FAM168B: variants seen among roughly 807,000 people sequenced by gnomAD.
FAM168B encodes family with sequence similarity 168 member B.
Under a neutral mutation model 21.8 loss-of-function variants are expected in FAM168B, and 19 were observed. The ratio of observed to expected loss-of-function variants is 0.87; its 90% CI spans 0.61 to 1.28. The LOEUF is 1.28. FAM168B is among the 50% of genes most tolerant of loss of function. The probability of loss-of-function intolerance (pLI) is 0.00; values close to 1 mark genes in which losing one functional copy is unlikely to be tolerated. For synonymous variants in FAM168B, 126 were observed against 104.8 expected (o/e 1.20, Z -1.24); for missense variants, 233 against 263.1 (o/e 0.89, Z 0.79).
intron 3 of FAM168B, among the ~76,000 whole-genome samples, chr2:131,056,622 C>T (rs890306466): frequency 2.6e-5 from 4 of 152,166 alleles, no homozygotes; most frequent in Non-Finnish European, 5.9e-5. Context: ...GGTCTCTGGA[C>T]AGCTATGTTC....
intron 1 of FAM168B, among the ~76,000 whole-genome samples, chr2:131,091,615 C>A (rs1443919377): frequency 6.6e-6 from 1 of 151,534 alleles, no homozygotes; most frequent in African/African-American, 2.4e-5. Context: ...CCATTGCACT[C>A]CAGCCTGGGC....
chr2:131,071,731 A>T, intron 3 of FAM168B, 124 bp downstream of exon 3: 1 of 797,788 alleles, frequency 1.3e-6, no homozygotes, highest in Non-Finnish European at 2.1e-6. Flanking sequence ...CAACAGGCTA[A>T]CTTAATGAAC....
At chr2:131,089,282 T>C (rs1272718447) in intron 1 of FAM168B, among the ~76,000 whole-genome samples, 1 of 151,718 alleles carries the variant, frequency 6.6e-6, no homozygotes, top group East Asian at 1.9e-4. Flanking sequence ...ACCACATTTT[T>C]AGTTTCCCAT....
rs541113782 is a variant in FAM168B at position 131,062,417 on chromosome 2, C to T, written c.155-6722G>A. On this transcript the variant is annotated intron_variant, in intron 3 of 6. Coordinates refer to ENST00000389915, the MANE Select transcript of FAM168B (RefSeq NM_001009993.4). ...ACTGCAGAAATCCCTGCAGCTAGCC[C>T]TAGGTTTCCCAATCCAATCACCCAA... Among the ~76,000 whole-genome samples, 39 of 152,278 alleles carry T rather than the reference C, an allele frequency of 2.6e-4. No homozygotes were observed. In the East Asian group the frequency reaches 2.9e-3, roughly 11 times the overall value.
At position 131,052,952 on chromosome 2, in the gene FAM168B, T is replaced by G; in HGVS notation, c.539A>C (p.Tyr180Ser). 6.4e-7 allele frequency: 1 copy of G among 1,563,742 alleles called. No individual in the cohort carries two copies. Among genetic ancestry groups the G allele is most frequent in the Non-Finnish European group, 8.7e-7 (1 of 1,153,464 alleles). The change falls in exon 6 of 7, where the codon TAC becomes TCC. Residue 180 changes from tyrosine to serine, a missense_variant. Transcript: ENST00000389915. The part of the protein sequence containing the change: ...VAPHPVTVPT[Y>S]RAPGTPTYSY... ...GTAAGTGGGCGTTCCTGGGGCCCGG[T>G]ACGTGGGCACAGTGACCGGGTGGGG...
chr2:131,080,299 G>A (rs185295825), intron 2 of FAM168B, among the ~76,000 whole-genome samples: 75 of 150,378 alleles, frequency 5.0e-4, no homozygotes, highest in Non-Finnish European at 8.3e-4. Context: ...ACAGAGTCTC[G>A]CTCTGTCACC....
intron 1 of FAM168B, among the ~76,000 whole-genome samples, chr2:131,090,035 A>G (rs1391443866): frequency 7.3e-6 from 1 of 136,984 alleles, no homozygotes; most frequent in Non-Finnish European, 1.6e-5. Context: ...ATCTCAAAAA[A>G]AGAGGCCGGC....
At chr2:131,061,870 T>G (rs1359526430) in intron 3 of FAM168B, among the ~76,000 whole-genome samples, 1 of 151,926 alleles carries the variant, frequency 6.6e-6, no homozygotes, top group Non-Finnish European at 1.5e-5. Context: ...TATAGCAGTC[T>G]GAAAGATGCT....
rs1266687084 is a variant in FAM168B, at chr2:131,049,038, C to T, written c.*3427G>A. On this transcript the variant is annotated 3_prime_UTR_variant, in exon 7 of 7. Transcript: ENST00000389915. ...TCCTTTTTTAAAGCAGACACCAATA[C>T]TTACATAACTAGTACATGTTGGCCT... The T allele has an allele frequency of 1.0e-6, 1 of 985,348 alleles. No homozygotes were observed. The highest frequency in any genetic ancestry group is 1.1e-4 in the East Asian group (1 of 8,834). 61.0% of individuals were successfully genotyped at this position (985,348 alleles called of 1,614,324 possible). A position where few individuals can be genotyped will look rare whatever the true frequency, so the allele number is the denominator to read the frequency against.
Position 131,091,861 on chromosome 2 carries a change from G to A in FAM168B, c.-12+1353C>T, listed in dbSNP as rs541064673. On this transcript the variant is annotated intron_variant, in intron 1 of 6. Transcript: ENST00000389915. ...AAAATTGTGCTCGGCCAGGCGCGGT[G>A]GCTCACGTCTGTAATCCCAGCACTT... Among the ~76,000 whole-genome samples the A allele has an allele frequency of 2.6e-5, 4 of 151,752 alleles. No individual in the cohort carries two copies. The East Asian group carries it at 7.7e-4, about 29-fold the overall frequency.
chr2:131,077,049 C>A (rs969581571), intron 2 of FAM168B, among the ~76,000 whole-genome samples: 1 of 151,966 alleles, frequency 6.6e-6, no homozygotes, highest in African/African-American at 2.4e-5. Context: ...CTCTAGGAAC[C>A]CACCCTGAGG....
intron 3 of FAM168B, among the ~76,000 whole-genome samples, chr2:131,067,936 C>T (rs1050295270): frequency 5.9e-5 from 9 of 152,094 alleles, no homozygotes; most frequent in African/African-American, 1.7e-4. Flanking sequence ...GTAATCCCAA[C>T]GCTTTGGGAT....
chr2:131,093,210 T>G lies in FAM168B; in HGVS notation c.-12+4A>C, dbSNP rs1279385721. 1.3e-5 allele frequency: 2 copies of G among 150,174 alleles called. No individual in the cohort carries two copies. Among genetic ancestry groups the G allele is most frequent in the Non-Finnish European group, 3.0e-5 (2 of 67,406 alleles). The allele number at this position is 150,174 out of a possible 1,614,324, so 9.3% of individuals were successfully genotyped here. On this transcript the variant is annotated splice_donor_region_variant and intron_variant, in intron 1 of 6. Coordinates refer to ENST00000389915, the MANE Select transcript of FAM168B (RefSeq NM_001009993.4). Reference sequence around the variant, plus strand: ...GCAGTCGCCCGCTGCCCGCCCCCACTCACCGCGCCGCGGCGGCGACCTGGG... The same window carrying G: ...GCAGTCGCCCGCTGCCCGCCCCCACGCACCGCGCCGCGGCGGCGACCTGGG...
At position 131,048,572 on chromosome 2, in the gene FAM168B, CAAA is replaced by C. The variant is rs1310224767; in HGVS notation, c.*3890_*3892del. On this transcript the variant is annotated 3_prime_UTR_variant, in exon 7 of 7. Coordinates refer to ENST00000389915, the MANE Select transcript of FAM168B (RefSeq NM_001009993.4). ...TTTCTGAAACATGCAGTTTCCGACC[CAAA>C]TAGGCCACATACCCCAACTTCTGTG... 1.8e-6 allele frequency: 2 copies of C among 1,104,836 alleles called. No individual in the cohort carries two copies. The highest frequency in any genetic ancestry group is 2.2e-6 in the Non-Finnish European group (2 of 895,692). 68.4% of individuals were successfully genotyped at this position (1,104,836 alleles called of 1,614,324 possible).
chr2:131,060,059 G>A (rs1041733248), intron 3 of FAM168B, among the ~76,000 whole-genome samples: 3 of 151,630 alleles, frequency 2.0e-5, no homozygotes, highest in East Asian at 1.9e-4. Context: ...TCGCTGTCTC[G>A]CTCTGTCACC....
chr2:131,092,307 T>G (rs950619059), intron 1 of FAM168B, among the ~76,000 whole-genome samples: 12 of 152,194 alleles, frequency 7.9e-5, no homozygotes, highest in African/African-American at 2.9e-4. Flanking sequence ...AGCTTCAAAA[T>G]TAGAATAGCC....
At chr2:131,071,797 C>A in intron 3 of FAM168B, 58 bp downstream of exon 3, 1 of 1,465,488 alleles carries the variant, frequency 6.8e-7, no homozygotes, top group Non-Finnish European at 9.6e-7. Flanking sequence ...TCAAAATCCA[C>A]CCCTTCACCT....
chr2:131,066,577 TC>T (rs550832559), intron 3 of FAM168B, among the ~76,000 whole-genome samples: 1 of 152,178 alleles, frequency 6.6e-6, no homozygotes, highest in Non-Finnish European at 1.5e-5. Flanking sequence ...CAATTTCAGA[TC>T]ATCATTACCA....
chr2:131,076,020 G>A (rs981590990), intron 2 of FAM168B, among the ~76,000 whole-genome samples: 8 of 152,140 alleles, frequency 5.3e-5, no homozygotes, highest in African/African-American at 7.2e-5. Context: ...GACCCAAGCC[G>A]CAGCGTGGCT....
Sources: allele counts gnomAD v4.1 joint callset (sites outside exome capture counted in the v4.1 genomes callset), GRCh38; gene constraint gnomAD v4.1.1; transcripts MANE v1.5; gene names NCBI Gene and HGNC (gene_info 2026-07-23, HGNC 2026-07-21).